INPP4B: variants seen among roughly 807,000 people sequenced by gnomAD.
INPP4B encodes inositol polyphosphate-4-phosphatase type II B.
Under a neutral mutation model 122.5 loss-of-function variants are expected in INPP4B, and 55 were observed. The observed-to-expected ratio is 0.45, with a 90% CI of 0.36 to 0.56. The LOEUF (loss-of-function observed/expected upper bound fraction) is 0.56, where lower values mean the gene tolerates loss of function less well. INPP4B is among the 20% of genes least tolerant of loss of function. The pLI, the probability that INPP4B is intolerant of heterozygous loss-of-function variation, is 0.00. For synonymous variants in INPP4B, 403 were observed against 388.7 expected, an observed-to-expected ratio of 1.04 and a Z score of -0.43; for missense variants, 1,000 against 1,097.7, an observed-to-expected ratio of 0.91 and a Z score of 1.26.
At chr4:142,087,135 C>T (rs760472062) in intron 23 of INPP4B, among the ~76,000 whole-genome samples, 8 of 152,170 alleles carry the variant, frequency 5.3e-5, no homozygotes, top group East Asian at 1.9e-4. Flanking sequence ...CTCTACCATT[C>T]GCATGCCAGT....
intron 2 of INPP4B, among the ~76,000 whole-genome samples, chr4:142,515,985 G>A (rs1394046949): frequency 6.6e-6 from 1 of 152,106 alleles, no homozygotes; most frequent in Non-Finnish European, 1.5e-5. Flanking sequence ...TTAAAATGCT[G>A]CTCCTGAAGG....
intron 25 of INPP4B, among the ~76,000 whole-genome samples, chr4:142,053,381 G>A (rs187704544): frequency 1.3e-5 from 2 of 152,168 alleles, no homozygotes; most frequent in African/African-American, 4.8e-5. Context: ...GAAGAGAGAT[G>A]GTGGTGAGGC....
intron 8 of INPP4B, among the ~76,000 whole-genome samples, chr4:142,306,334 AT>A (rs1489191819): frequency 1.3e-5 from 2 of 151,886 alleles, no homozygotes; most frequent in Non-Finnish European, 2.9e-5. Context: ...GATAAATAAC[AT>A]GAAAAAGAGC....
intron 1 of INPP4B, among the ~76,000 whole-genome samples, chr4:142,780,681 C>A (rs1337086722): frequency 2.0e-5 from 3 of 152,040 alleles, no homozygotes; most frequent in Admixed American, 6.6e-5. Context: ...TACCTGTAAT[C>A]CCAGCTACTC....
At chr4:142,396,107 T>A (rs993390704) in intron 7 of INPP4B, among the ~76,000 whole-genome samples, 3 of 152,020 alleles carry the variant, frequency 2.0e-5, no homozygotes, top group Non-Finnish European at 4.4e-5. Flanking sequence ...GCAAAAAAAA[T>A]TGATAAACTG....
intron 1 of INPP4B, among the ~76,000 whole-genome samples, chr4:142,729,439 T>A (rs777311686): frequency 6.6e-6 from 1 of 152,192 alleles, no homozygotes; most frequent in Non-Finnish European, 1.5e-5. Context: ...AATTTGTTGG[T>A]CCCTATTTTT....
rs1259226279 is a variant in INPP4B, at chr4:142,163,537, A to T, written c.1360-2976T>A. ...AGAAGACACGTGAGTACAGTACAAG[A>T]AGATATTTTGAGAGAGACCACATTT... On this transcript the variant is annotated intron_variant, in intron 16 of 25. Coordinates refer to ENST00000262992, the MANE Select transcript of INPP4B (RefSeq NM_001101669.3). 2.0e-5 allele frequency among the ~76,000 whole-genome samples: 3 copies of T among 152,036 alleles called. No individual in the cohort carries two copies. The East Asian group carries it at 5.8e-4, about 30-fold the overall frequency.
chr4:142,563,345 A>C (rs1406804355), intron 2 of INPP4B, among the ~76,000 whole-genome samples: 1 of 152,208 alleles, frequency 6.6e-6, no homozygotes, highest in African/African-American at 2.4e-5. Context: ...GTACATCCTT[A>C]CCTGTGTTTC....
intron 2 of INPP4B, among the ~76,000 whole-genome samples, chr4:142,699,658 T>TTAAA (rs1302544507): frequency 2.0e-5 from 3 of 152,170 alleles, no homozygotes; most frequent in African/African-American, 7.2e-5. Context: ...TTGTCTCCTA[T>TTAAA]TAAACATCTG....
intron 12 of INPP4B, among the ~76,000 whole-genome samples, chr4:142,235,769 A>G (rs143871731): frequency 2.4e-4 from 37 of 152,232 alleles, no homozygotes; most frequent in African/African-American, 7.7e-4. Flanking sequence ...CAGACATTTT[A>G]TTTCATTTAT....
chr4:142,501,372 G>A (rs1823351019), intron 2 of INPP4B, among the ~76,000 whole-genome samples: 1 of 152,132 alleles, frequency 6.6e-6, no homozygotes, highest in South Asian at 2.1e-4. Flanking sequence ...GCCCAGAGAA[G>A]TAGTATTTCT....
In INPP4B at chr4:142,530,550, C is replaced by CATATATATAT. The variant is rs35595178; in HGVS notation, c.-190-67834_-190-67825dup. 2.9e-3 allele frequency among the ~76,000 whole-genome samples: 404 copies of CATATATATAT among 140,406 alleles called. 1 individual carries two copies. The highest frequency in any genetic ancestry group is 0.01 in the African/African-American group (374 of 37,252). 92.1% of individuals were successfully genotyped at this position (140,406 alleles called of 152,430 possible). A position where few individuals can be genotyped will look rare whatever the true frequency, so the allele number is the denominator to read the frequency against. ...AGTGATATACATATATATGTGTGTGCATATATATATATATATATATATATA... is the reference window on the plus strand; with the variant it reads ...AGTGATATACATATATATGTGTGTGCATATATATATATATATATATATATATATATATATA... On this transcript the variant is annotated intron_variant, in intron 2 of 25. Coordinates refer to ENST00000262992, the MANE Select transcript of INPP4B (RefSeq NM_001101669.3).
chr4:142,123,167 T>C, intron 20 of INPP4B, 125 bp downstream of exon 20: 6 of 763,644 alleles, frequency 7.9e-6, no homozygotes, highest in Non-Finnish European at 1.2e-5. Context: ...CTGAAAGTTA[T>C]ATTATTTTTG....
chr4:142,355,925 C>T (rs1783458063), intron 7 of INPP4B, among the ~76,000 whole-genome samples: 1 of 151,272 alleles, frequency 6.6e-6, no homozygotes, highest in African/African-American at 2.4e-5. Context: ...CTTTTCTTAA[C>T]CTCAAGAGAA....
chr4:142,292,870 G>A (rs531147480), intron 9 of INPP4B, among the ~76,000 whole-genome samples: 2 of 152,144 alleles, frequency 1.3e-5, no homozygotes, highest in South Asian at 2.1e-4. Context: ...CTTGTATAAT[G>A]TAATATATGC....
intron 12 of INPP4B, among the ~76,000 whole-genome samples, chr4:142,230,643 CAAAAA>C (rs11309327): frequency 1.3e-5 from 1 of 79,596 alleles, no homozygotes; most frequent in African/African-American, 4.6e-5. Context: ...AACTCCACCT[CAAAAA>C]AAAAAAAAAA....
At chr4:142,618,802 G>A (rs1207047451) in intron 2 of INPP4B, among the ~76,000 whole-genome samples, 3 of 151,822 alleles carry the variant, frequency 2.0e-5, no homozygotes, top group Non-Finnish European at 4.4e-5. Context: ...TCTGTGGAAT[G>A]GAGAAAATTT....
intron 22 of INPP4B, among the ~76,000 whole-genome samples, chr4:142,110,918 TCA>T (rs2152697862): frequency 6.6e-6 from 1 of 152,254 alleles, no homozygotes; most frequent in South Asian, 2.1e-4. Flanking sequence ...AAGATCACAA[TCA>T]CAGACCTTAT....
chr4:142,464,462 G>T (rs1817352452), intron 2 of INPP4B, among the ~76,000 whole-genome samples: 1 of 151,762 alleles, frequency 6.6e-6, no homozygotes, highest in Non-Finnish European at 1.5e-5. Flanking sequence ...ATTCTGTATT[G>T]TTTACAATAT....
Sources: gnomAD v4.1 joint callset for allele counts (sites outside exome capture counted in the v4.1 genomes callset) on GRCh38, gnomAD v4.1.1 for gene constraint, MANE v1.5 for transcripts, NCBI Gene and HGNC (gene_info 2026-07-23, HGNC 2026-07-21) for gene names.